PEX5L: variants seen among roughly 807,000 people sequenced by gnomAD.
PEX5L encodes the protein PEX5-related protein.
In PEX5L, 30 loss-of-function variants were observed where a neutral mutation model predicts 84.0. That is an observed-to-expected ratio of 0.36 (90% CI 0.27 to 0.48). PEX5L has a LOEUF of 0.48. PEX5L is among the 20% of genes least tolerant of loss of function. The pLI is 0.99. For missense variants in PEX5L, 533 were observed against 754.6 expected, an observed-to-expected ratio of 0.71 and a Z score of 3.44; for synonymous variants, 270 against 283.1, an observed-to-expected ratio of 0.95 and a Z score of 0.46.
At position 179,898,138 on chromosome 3, in the gene PEX5L, C is replaced by T. The variant is rs188159615; in HGVS notation, c.198+4G>A. 6.3e-7 allele frequency: 1 copy of T among 1,587,452 alleles called. No homozygotes were observed. Among genetic ancestry groups the T allele is most frequent in the Admixed American group, 1.7e-5 (1 of 59,908 alleles). On this transcript the variant is annotated splice_donor_region_variant and intron_variant, in intron 3 of 14. Transcript: ENST00000467460. Reference sequence around the variant, plus strand: ...TCCTACAGAAACCCTATGGGTCTGCCCACCTGTGATGTCATAGTAAGGAGG... The same window carrying T: ...TCCTACAGAAACCCTATGGGTCTGCTCACCTGTGATGTCATAGTAAGGAGG...
At chr3:180,024,373 T>TATATATATATATAGATATATATATATAC (rs1396023654) in intron 1 of PEX5L, among the ~76,000 whole-genome samples, 1 of 79,024 alleles carries the variant, frequency 1.3e-5, no homozygotes, top group Non-Finnish European at 2.3e-5. Context: ...TATATATATA[T>TATATATATATATAGATATATATATATAC]ACACACACAA....
intron 1 of PEX5L, among the ~76,000 whole-genome samples, chr3:180,031,920 T>G (rs1791501490): frequency 7.5e-6 from 1 of 133,168 alleles, no homozygotes; most frequent in Admixed American, 6.8e-5. Flanking sequence ...TGATGAAATT[T>G]TTACTTTCAA....
chr3:179,851,288 G>A (rs944275030), intron 8 of PEX5L, among the ~76,000 whole-genome samples: 1 of 152,208 alleles, frequency 6.6e-6, no homozygotes, highest in African/African-American at 2.4e-5. Flanking sequence ...TGGCAGATTA[G>A]GTGTCTGGTG....
Position 179,796,536 on chromosome 3 carries a change from G to C in PEX5L, c.*5292C>G, listed in dbSNP as rs929886154. The stretch of plus-strand genomic sequence containing the variant: ...TGTGTTTTTTTTTTTCCTCTTAACT[G>C]TTTAATGCCTCCCCACAATCGTCTT... On this transcript the variant is annotated 3_prime_UTR_variant, in exon 15 of 15. Coordinates refer to ENST00000467460, the MANE Select transcript of PEX5L (RefSeq NM_016559.3). The C allele has an allele frequency of 6.6e-6, 1 of 151,304 alleles. No homozygotes were observed. The highest frequency in any genetic ancestry group is 1.5e-5 in the Non-Finnish European group (1 of 67,832). 9.4% of individuals were successfully genotyped at this position (151,304 alleles called of 1,614,324 possible).
At chr3:179,970,126 T>C (rs747904633) in intron 2 of PEX5L, among the ~76,000 whole-genome samples, 10 of 152,006 alleles carry the variant, frequency 6.6e-5, no homozygotes, top group Non-Finnish European at 1.2e-4. Context: ...AGCTTTGGGG[T>C]AGGAAGATAG....
chr3:179,815,768 T>G (rs774816285), intron 10 of PEX5L, 93 bp downstream of exon 10: 77 of 1,386,912 alleles, frequency 5.6e-5, no homozygotes, highest in African/African-American at 7.2e-5. Context: ...AACCTTTACT[T>G]GATGAAAAGC....
intron 2 of PEX5L, among the ~76,000 whole-genome samples, chr3:179,929,634 C>T (rs892962027): frequency 4.6e-5 from 7 of 152,072 alleles, no homozygotes; most frequent in African/African-American, 1.7e-4. Flanking sequence ...ATTTGGCAAC[C>T]GCCCCTGGTT....
chr3:179,881,657 C>T (rs1754202560), intron 4 of PEX5L: 2 of 152,118 alleles, frequency 1.3e-5, no homozygotes, highest in Admixed American at 6.5e-5. Context: ...TGTTGATGTT[C>T]TCCTATTTTC....
chr3:179,933,977 T>G (rs1373536975), intron 2 of PEX5L, among the ~76,000 whole-genome samples: 1 of 152,198 alleles, frequency 6.6e-6, no homozygotes, highest in Non-Finnish European at 1.5e-5. Context: ...CTGGGAAGGT[T>G]GTGCCAGGAC....
At chr3:180,012,512 A>G (rs2110473612) in intron 1 of PEX5L, among the ~76,000 whole-genome samples, 1 of 152,294 alleles carries the variant, frequency 6.6e-6, no homozygotes, top group Admixed American at 6.5e-5. Context: ...ATTTAAACCC[A>G]TTGTCTTCTT....
chr3:179,991,369 T>C (rs528733927), intron 1 of PEX5L, among the ~76,000 whole-genome samples: 93 of 152,338 alleles, frequency 6.1e-4, no homozygotes, highest in Non-Finnish European at 1.0e-3. Flanking sequence ...TGCTGTTTTA[T>C]AATAGCTGGA....
At chr3:179,874,738 GTTTTT>G (rs3836472) in intron 6 of PEX5L, among the ~76,000 whole-genome samples, 6 of 45,980 alleles carry the variant, frequency 1.3e-4, no homozygotes, top group East Asian at 9.3e-4. Context: ...TTTTTTTTTT[GTTTTT>G]TTTTTTTTTT....
rs1378114878 is a variant in PEX5L at position 179,874,729 on chromosome 3, TTTTTTTTTG to T, written c.630-315_630-307del. ...TCTGTTTCATAAAAAAATTATGGTT[TTTTTTTTTG>T]TTTTTTTTTTTTTTTTTTTTTTTTG... is the stretch of plus-strand genomic sequence containing the variant. On this transcript the variant is annotated intron_variant, in intron 6 of 14. Transcript: ENST00000467460. 9.8e-3 allele frequency among the ~76,000 whole-genome samples: 592 copies of T among 60,110 alleles called. 12 individuals carry two copies. Among genetic ancestry groups the T allele is most frequent in the African/African-American group, 0.027 (484 of 18,216 alleles). The allele number at this position is 60,110 out of a possible 152,430, so 39.4% of individuals were successfully genotyped here. A position where few individuals can be genotyped will look rare whatever the true frequency, so the allele number is the denominator to read the frequency against.
chr3:179,887,976 A>G, intron 3 of PEX5L, 192 bp from the exon 4 acceptor site: 2 of 687,320 alleles, frequency 2.9e-6, no homozygotes, highest in South Asian at 3.5e-5. Flanking sequence ...AGCACTGTCA[A>G]CATATTTTTG....
chr3:179,923,246 G>A (rs1189463074), intron 2 of PEX5L, among the ~76,000 whole-genome samples: 6 of 136,470 alleles, frequency 4.4e-5, no homozygotes, highest in Admixed American at 7.9e-5. Context: ...AGTCGAGATC[G>A]CGCCACTGCA....
At chr3:179,847,164 T>C (rs977306440) in intron 8 of PEX5L, among the ~76,000 whole-genome samples, 2 of 151,656 alleles carry the variant, frequency 1.3e-5, no homozygotes, top group Admixed American at 6.6e-5. Context: ...ATATCTCCTA[T>C]TGGTGATATA....
intron 1 of PEX5L, among the ~76,000 whole-genome samples, chr3:179,992,833 A>G (rs1787501516): frequency 6.6e-6 from 1 of 152,164 alleles, no homozygotes; most frequent in African/African-American, 2.4e-5. Flanking sequence ...AAGACTTCAT[A>G]AAGTATTTGA....
rs150505240 is a variant in PEX5L at position 179,875,513 on chromosome 3, C to T, written c.506-36G>A. ...CAGAGGAAGCAGGTGAGGCAGGTGG[C>T]GGCAGGGCGGGGTAGGGGGAGCGGT... On this transcript the variant is annotated intron_variant, in intron 5 of 14. Transcript: ENST00000467460. 6.9e-3 allele frequency: 8,320 copies of T among 1,197,408 alleles called. 287 individuals are homozygous for T. The East Asian group carries it at 0.16, about 24-fold the overall frequency. The allele number at this position is 1,197,408 out of a possible 1,614,324, so 74.2% of individuals were successfully genotyped here. A position where few individuals can be genotyped will look rare whatever the true frequency, so the allele number is the denominator to read the frequency against.
At chr3:180,008,948 T>C (rs1055885079) in intron 1 of PEX5L, among the ~76,000 whole-genome samples, 11 of 152,254 alleles carry the variant, frequency 7.2e-5, no homozygotes, top group African/African-American at 2.7e-4. Flanking sequence ...TTTTGATTAA[T>C]ATGTTTGCAT....
Sources: allele counts gnomAD v4.1 joint callset (sites outside exome capture counted in the v4.1 genomes callset), GRCh38; gene constraint gnomAD v4.1.1; transcripts MANE v1.5; gene names NCBI Gene and HGNC (gene_info 2026-07-23, HGNC 2026-07-21).